KRT3: variants seen among roughly 807,000 people sequenced by gnomAD.
The protein encoded by KRT3 is keratin, type II cytoskeletal 3.
A neutral mutation model predicts 45.8 loss-of-function variants in KRT3; 34 were observed. That is an observed-to-expected ratio of 0.74 (90% CI 0.57 to 0.99). The LOEUF is 0.99. Among genes scored for constraint, KRT3 ranks in the 50% least tolerant of loss-of-function variants. KRT3 has a pLI of 0.00. For synonymous variants in KRT3, 367 were observed against 329.0 expected (o/e 1.12, Z -1.25); for missense variants, 828 against 820.6 (o/e 1.01, Z -0.11).
At chr12:52,791,880 A>G in intron 5 of KRT3, 64 bp from the exon 6 acceptor site, 6 of 1,547,478 alleles carry the variant, frequency 3.9e-6, no homozygotes, top group Non-Finnish European at 4.4e-6. Flanking sequence ...CTACACCTCC[A>G]ACATCACCCA....
chr12:52,795,791 C>G lies in KRT3; in HGVS notation c.252G>C (p.Arg84=), dbSNP rs1483259933. 1.9e-6 allele frequency: 3 copies of G among 1,613,912 alleles called. No individual in the cohort carries two copies. In the East Asian group the frequency reaches 6.7e-5, roughly 36 times the overall value. The change falls in exon 1 of 9, where the codon CGG becomes CGC. Residue 84 remains arginine, a synonymous_variant. Coordinates refer to ENST00000417996, the MANE Select transcript of KRT3 (RefSeq NM_057088.3). ...AGCCACCTGCAAAGGCACAGCTGCT[C>G]CGCCCTCCCCCAAAGCCTCCAGCCC... is the stretch of plus-strand genomic sequence containing the variant. ...GSRAGGFGGG[R]SSCAFAGGYG...
chr12:52,790,744 C>G lies in KRT3; in HGVS notation c.1570+94G>C. ...TCTCCCAGAAAACCCCTCCAACTTC[C>G]GTAAAAATATGTTTAAATTAGTTGC... On this transcript the variant is annotated intron_variant, in intron 8 of 8. Transcript: ENST00000417996. 4 of 1,150,000 alleles carry G rather than the reference C, an allele frequency of 3.5e-6. No homozygotes were observed. In the South Asian group the frequency reaches 3.9e-5, roughly 11 times the overall value. The allele number at this position is 1,150,000 out of a possible 1,614,324, so 71.2% of individuals were successfully genotyped here.
rs774643307 is a variant in KRT3, at chr12:52,790,377, G to A, written c.1571-19C>T. 6 of 1,574,570 alleles carry A rather than the reference G, an allele frequency of 3.8e-6. No individual in the cohort carries two copies. In the South Asian group the frequency reaches 6.0e-5, roughly 16 times the overall value. On this transcript the variant is annotated intron_variant, in intron 8 of 8. Coordinates refer to ENST00000417996, the MANE Select transcript of KRT3 (RefSeq NM_057088.3). ...ACCACGGCTGTGGGGGAGAGGACAG[G>A]ACAGCGATCAGCGACGGCGCCCAGG... is the stretch of plus-strand genomic sequence containing the variant.
chr12:52,795,327 A>C (rs1214548984), intron 1 of KRT3, 71 bp downstream of exon 1: 1 of 1,580,510 alleles, frequency 6.3e-7, no homozygotes, highest in East Asian at 2.2e-5. Context: ...GAAACATTTA[A>C]ACACTGTGTC....
rs770789253 is a variant in KRT3, at chr12:52,796,038, C to T, written c.5G>A (p.Ser2Asn). The T allele has an allele frequency of 4.3e-6, 7 of 1,613,210 alleles. No homozygotes were observed. The highest frequency in any genetic ancestry group is 5.9e-6 in the Non-Finnish European group (7 of 1,179,890). The change falls in exon 1 of 9, where the codon AGC (serine) becomes AAC (asparagine). Residue 2 changes from serine to asparagine, a missense_variant. Physicochemically the swap from Ser to Asn is conservative, Grantham distance 46. Coordinates refer to ENST00000417996, the MANE Select transcript of KRT3 (RefSeq NM_057088.3). ...ACCAGATGTCTTGCTGGCTTGTCTG[C>T]TCATGGTAAGGAGCTTGGCGAAGAG... M[S>N]RQASKTSGGG...
chr12:52,795,655 C>A lies in KRT3; in HGVS notation c.388G>T (p.Gly130Cys). 1 of 1,591,378 alleles carries A rather than the reference C, an allele frequency of 6.3e-7. No homozygotes were observed. Residue 130 changes from glycine to cysteine, a missense_variant, in exon 1 of 9, where the codon GGC becomes TGC. Gly to Cys is a radical substitution (Grantham distance 159, BLOSUM62 -3). Transcript: ENST00000417996. ...GGAGGFGGAG[G>C]FGGAGGFGGP... is the part of the protein sequence containing the mutation. ...CCAAAGCCACCAGCCCCTCCAAAGC[C>A]ACCAGCCCCTCCAAAGCCACCAGCT...
At chr12:52,790,394 G>T in intron 8 of KRT3, 36 bp from the exon 9 acceptor site, 1 of 1,551,822 alleles carries the variant, frequency 6.4e-7, no homozygotes, top group Non-Finnish European at 8.7e-7. Flanking sequence ...ATCAGCGACG[G>T]CGCCCAGGCC....
intron 7 of KRT3, 63 bp downstream of exon 7, chr12:52,791,143 T>A: frequency 6.2e-7 from 1 of 1,610,658 alleles, no homozygotes. Context: ...ACTTGGTCAC[T>A]TATCTGGCCC....
At position 52,796,048 on chromosome 12, in the gene KRT3, G is replaced by T; in HGVS notation, c.-6C>A. On this transcript the variant is annotated 5_prime_UTR_variant, in exon 1 of 9. Coordinates refer to ENST00000417996, the MANE Select transcript of KRT3 (RefSeq NM_057088.3). Reference sequence around the variant, plus strand: ...TTGCTGGCTTGTCTGCTCATGGTAAGGAGCTTGGCGAAGAGAAGAGTGTAA... The same window carrying T: ...TTGCTGGCTTGTCTGCTCATGGTAATGAGCTTGGCGAAGAGAAGAGTGTAA... The T allele has an allele frequency of 1.2e-6, 2 of 1,612,776 alleles. No individual in the cohort carries two copies. Among genetic ancestry groups the T allele is most frequent in the Non-Finnish European group, 1.7e-6 (2 of 1,179,856 alleles).
In KRT3 at chr12:52,796,111, G is replaced by A. The variant is rs575620508; in HGVS notation, c.-69C>T. The stretch of plus-strand genomic sequence containing the variant: ...CACTGAGAGTCAGAGGAAGAGGGAT[G>A]GGAAATGAAGACCTGTGCAAAATAA... On this transcript the variant is annotated 5_prime_UTR_variant, in exon 1 of 9. Transcript: ENST00000417996. 3 of 1,525,262 alleles carry A rather than the reference G, an allele frequency of 2.0e-6. No individual in the cohort carries two copies. The highest frequency in any genetic ancestry group is 3.5e-5 in the Admixed American group (2 of 57,692). 94.5% of individuals were successfully genotyped at this position (1,525,262 alleles called of 1,614,324 possible).
chr12:52,794,073 G>A, intron 2 of KRT3, 38 bp downstream of exon 2: 2 of 1,509,300 alleles, frequency 1.3e-6, no homozygotes, highest in Non-Finnish European at 1.8e-6. Flanking sequence ...GAGACAGGGT[G>A]GGCCATGGCA....
rs867481885 is a variant in KRT3 at position 52,794,192 on chromosome 12, A to G, written c.785T>C (p.Leu262Pro). ...ENHINYLRSY[L>P]DNILGERGRL... Reference sequence around the variant, plus strand: ...CCCTCTCTCCCCGAGGATGTTGTCCAGGTAGCTCCGCAGGTAGTTGATGTG... The same window carrying G: ...CCCTCTCTCCCCGAGGATGTTGTCCGGGTAGCTCCGCAGGTAGTTGATGTG... Residue 262 changes from leucine (L) to proline (P), a missense_variant, in exon 2 of 9, where the codon CTG becomes CCG. Transcript: ENST00000417996. 5.0e-6 allele frequency: 8 copies of G among 1,614,172 alleles called. No homozygotes were observed. Among genetic ancestry groups the G allele is most frequent in the Middle Eastern group, 3.3e-4 (2 of 6,062 alleles).
chr12:52,789,858 G>A lies in KRT3; in HGVS notation c.*184C>T, dbSNP rs1939443727. 2 of 686,850 alleles carry A rather than the reference G, an allele frequency of 2.9e-6. No individual in the cohort carries two copies. The highest frequency in any genetic ancestry group is 5.4e-5 in the East Asian group (2 of 36,850). The allele number at this position is 686,850 out of a possible 1,614,324, so 42.5% of individuals were successfully genotyped here. ...AGGCACAGGCTGGAGCCGGAGAGAA[G>A]AGCCTGAAATTCTCGTGACTGGGCT... On this transcript the variant is annotated 3_prime_UTR_variant, in exon 9 of 9. Coordinates refer to ENST00000417996, the MANE Select transcript of KRT3 (RefSeq NM_057088.3).
At chr12:52,793,476 G>GA (rs2121222124) in intron 2 of KRT3, among the ~76,000 whole-genome samples, 1 of 152,266 alleles carries the variant, frequency 6.6e-6, no homozygotes, top group Admixed American at 6.5e-5. Flanking sequence ...GCAAACCTCT[G>GA]GATGGTTGAT....
chr12:52,790,442 G>A (rs1024275471), intron 8 of KRT3, 84 bp from the exon 9 acceptor site: 66 of 1,334,454 alleles, frequency 4.9e-5, no homozygotes, highest in African/African-American at 3.4e-4. Flanking sequence ...CCGGGCCCAC[G>A]ACTATCCAGA....
Position 52,789,721 on chromosome 12 carries a change from G to A in KRT3, c.*321C>T. On this transcript the variant is annotated 3_prime_UTR_variant, in exon 9 of 9. Transcript: ENST00000417996. ...GCACTTTATTGGCGACAGACCGGAG[G>A]GGCGGAGGGGGCTGTGTGCTATATA... 1 of 519,956 alleles carries A rather than the reference G, an allele frequency of 1.9e-6. No individual in the cohort carries two copies. Among genetic ancestry groups the A allele is most frequent in the Non-Finnish European group, 3.4e-6 (1 of 290,064 alleles). 32.2% of individuals were successfully genotyped at this position (519,956 alleles called of 1,614,324 possible).
chr12:52,791,310 G>A lies in KRT3; in HGVS notation c.1431C>T (p.Asp477=), dbSNP rs762457359. The change falls in exon 7 of 9, where the codon GAC becomes GAT. Residue 477 remains aspartate, a synonymous_variant. Coordinates refer to ENST00000417996, the MANE Select transcript of KRT3 (RefSeq NM_057088.3). ...GGTAGTCACGTAGCAGCCGCGCCAG[G>A]TCATCCTTCGCCTGCTGTAGAGCAG... is the stretch of plus-strand genomic sequence containing the variant. ...LQAALQQAKD[D]LARLLRDYQE... 6.2e-7 allele frequency: 1 copy of A among 1,614,240 alleles called. No homozygotes were observed. Among genetic ancestry groups the A allele is most frequent in the Non-Finnish European group, 8.5e-7 (1 of 1,180,046 alleles).
chr12:52,795,962 G>T lies in KRT3; in HGVS notation c.81C>A (p.Ser27Arg), dbSNP rs770436470. 1 of 1,614,038 alleles carries T rather than the reference G, an allele frequency of 6.2e-7. No individual in the cohort carries two copies. Among genetic ancestry groups the T allele is most frequent in the South Asian group, 1.1e-5 (1 of 91,086 alleles). Residue 27 changes from serine to arginine, a missense_variant, in exon 1 of 9, where the codon AGC becomes AGA. Transcript: ENST00000417996. ...SGRSAVVSGS[S>R]RMSCVAHSGG... ...CAGAGTGGGCCACACAGCTCATCCT[G>T]CTGCTGCCGGAGACCACAGCAGAGC...
rs76767665 is a variant in KRT3 at position 52,794,271 on chromosome 12, G to C, written c.706C>G (p.Gln236Glu). The change falls in exon 2 of 9, where the codon CAG becomes GAG. Residue 236 changes from glutamine (Q) to glutamate (E), a missense_variant. Coordinates refer to ENST00000417996, the MANE Select transcript of KRT3 (RefSeq NM_057088.3). ...LETKWNLLQQQGTSSISGTNN... is the reference protein window; with the variant it reads ...LETKWNLLQQEGTSSISGTNN... ...GTGCCTGAGATGGAACTTGTGCCCT[G>C]CTGCTGGAGCAGGTTCCACTTGGTC... 5.0e-4 allele frequency: 808 copies of C among 1,614,188 alleles called. 6 individuals carry two copies. In the African/African-American group the frequency reaches 9.2e-3, roughly 18 times the overall value.
Sources: gnomAD v4.1 joint callset for allele counts (sites outside exome capture counted in the v4.1 genomes callset) on GRCh38, gnomAD v4.1.1 for gene constraint, MANE v1.5 for transcripts, NCBI Gene and HGNC (gene_info 2026-07-23, HGNC 2026-07-21) for gene names.